The following C2orf49 variants were observed in gnomAD, a reference collection of about 807,000 sequenced individuals.
C2orf49 encodes the protein tRNA splicing ligase complex subunit 2, also known as tRNA-splicing ligase complex subunit ASW.
Under a neutral mutation model 20.6 loss-of-function variants are expected in C2orf49, and 11 were observed. That is an observed-to-expected ratio of 0.53 (90% CI 0.34 to 0.88). The LOEUF is 0.88. C2orf49 is among the 40% of genes least tolerant of loss of function. The pLI, the probability that C2orf49 is intolerant of heterozygous loss-of-function variation, is 0.02. For missense variants in C2orf49, 289 were observed against 274.2 expected (o/e 1.05, Z -0.38); for synonymous variants, 134 against 108.5 (o/e 1.24, Z -1.46).
chr2:105,369,010 G>T, the C2orf49 span, among the ~76,000 whole-genome samples: 1 of 152,200 alleles, frequency 6.6e-6, no homozygotes, highest in South Asian at 2.1e-4. Context: ...GCCGAGTAGT[G>T]TGCAGCTGTG....
At chr2:105,361,831 GT>G in the C2orf49 span, among the ~76,000 whole-genome samples, 1 of 152,172 alleles carries the variant, frequency 6.6e-6, no homozygotes, top group Non-Finnish European at 1.5e-5. Flanking sequence ...TGAAGGGAGT[GT>G]AGAAGAGGAA....
the C2orf49 span, among the ~76,000 whole-genome samples, chr2:105,377,538 G>A: frequency 2.6e-5 from 4 of 152,184 alleles, no homozygotes; most frequent in Non-Finnish European, 5.9e-5. Flanking sequence ...GGCTGAGGCA[G>A]GAGAATCTTG....
chr2:105,381,943 G>A, the C2orf49 span, among the ~76,000 whole-genome samples: 4 of 152,048 alleles, frequency 2.6e-5, no homozygotes, highest in Non-Finnish European at 5.9e-5. Context: ...AGAAGGGTGG[G>A]TTTTTCAAAC....
At chr2:105,373,597 G>A in the C2orf49 span, 7 of 1,614,096 alleles carry the variant, frequency 4.3e-6, no homozygotes, top group Non-Finnish European at 5.1e-6. Flanking sequence ...GCACTTGGAT[G>A]AGTACTCGTT....
chr2:105,354,236 T>A, the C2orf49 span, among the ~76,000 whole-genome samples: 1 of 152,250 alleles, frequency 6.6e-6, no homozygotes, highest in Non-Finnish European at 1.5e-5. Context: ...ACAGCAGATA[T>A]ATTTAATGAG....
At chr2:105,373,364 T>A in the C2orf49 span, among the ~76,000 whole-genome samples, 3 of 152,176 alleles carry the variant, frequency 2.0e-5, no homozygotes, top group Admixed American at 2.0e-4. Context: ...AGCAAAAAGA[T>A]CCCGTTACTG....
the C2orf49 span, among the ~76,000 whole-genome samples, chr2:105,357,216 C>T: frequency 1.3e-5 from 2 of 152,302 alleles, no homozygotes; most frequent in Admixed American, 6.5e-5. Flanking sequence ...TGGTTTCTCA[C>T]ATTTCTCTGA....
In C2orf49 at chr2:105,349,191, A is replaced by C. The variant is rs2104458275; in HGVS notation, c.*3820A>C. 1 of 152,334 alleles carries C rather than the reference A, an allele frequency of 6.6e-6. No individual in the cohort carries two copies. Among genetic ancestry groups the C allele is most frequent in the South Asian group, 2.1e-4 (1 of 4,834 alleles). The allele number at this position is 152,334 out of a possible 1,614,324, so 9.4% of individuals were successfully genotyped here. A position where few individuals can be genotyped will look rare whatever the true frequency, so the allele number is the denominator to read the frequency against. On this transcript the variant is annotated 3_prime_UTR_variant, in exon 4 of 4. Transcript: ENST00000258457. ...ATTATATTTGGAGACTGATGCTGTAAATTAAATAACTTGGAAAAGACTCAG... is the reference window on the plus strand; with the variant it reads ...ATTATATTTGGAGACTGATGCTGTACATTAAATAACTTGGAAAAGACTCAG...
In C2orf49 at chr2:105,339,682, A is replaced by G. The variant is rs760084452; in HGVS notation, c.199A>G (p.Lys67Glu). ...AIPLPQRDLPKNRWGKMMEKK... is the reference protein window; with the variant it reads ...AIPLPQRDLPENRWGKMMEKK... Reference sequence around the variant, plus strand: ...ACCATTGCCTCAGAGGGATTTGCCGAAGAATAGATGGGGGAAAATGATGGA... The same window carrying G: ...ACCATTGCCTCAGAGGGATTTGCCGGAGAATAGATGGGGGAAAATGATGGA... The change falls in exon 2 of 4, where the codon AAG becomes GAG. Residue 67 changes from lysine (K) to glutamate (E), a missense_variant. Coordinates refer to ENST00000258457, the MANE Select transcript of C2orf49 (RefSeq NM_024093.3). 8.1e-6 allele frequency: 13 copies of G among 1,609,076 alleles called. No individual in the cohort carries two copies. The highest frequency in any genetic ancestry group is 9.3e-6 in the Non-Finnish European group (11 of 1,179,122).
At chr2:105,371,023 C>T in the C2orf49 span, among the ~76,000 whole-genome samples, 1 of 152,160 alleles carries the variant, frequency 6.6e-6, no homozygotes, top group South Asian at 2.1e-4. Context: ...AGGCTGCCGG[C>T]CAGTTAATTC....
chr2:105,381,500 G>A, the C2orf49 span, among the ~76,000 whole-genome samples: 2 of 152,176 alleles, frequency 1.3e-5, no homozygotes, highest in African/African-American at 4.8e-5. Context: ...GTCCAGCCTC[G>A]GTGCATGCGA....
chr2:105,351,549 T>TTTTTG (rs1399640154), downstream of C2orf49, among the ~76,000 whole-genome samples: 1 of 152,184 alleles, frequency 6.6e-6, no homozygotes, highest in Non-Finnish European at 1.5e-5. Flanking sequence ...CTAATGTGTG[T>TTTTTG]TTTTGTTTTG....
the C2orf49 span, among the ~76,000 whole-genome samples, chr2:105,381,760 A>G: frequency 6.6e-6 from 1 of 152,148 alleles, no homozygotes; most frequent in African/African-American, 2.4e-5. Context: ...CAAATTCTAC[A>G]CGGAAGAAGA....
chr2:105,351,313 GCC>G (rs376749614), downstream of C2orf49, among the ~76,000 whole-genome samples: 1,836 of 36,054 alleles, frequency 0.051, 109 homozygotes, highest in African/African-American at 0.12. Context: ...TGCCCACCGC[GCC>G]CCCCCCCCCC....
chr2:105,352,429 G>GT (rs61585149), downstream of C2orf49, among the ~76,000 whole-genome samples: 15,751 of 80,782 alleles, frequency 0.19, 1,789 homozygotes, highest in African/African-American at 0.22. Context: ...GTTTGTTTGG[G>GT]TTTTTTTTTT....
chr2:105,352,429 G>GTTTTTTTTTTTTTTTTTTTTTTGT (rs61585149), downstream of C2orf49, among the ~76,000 whole-genome samples: 36 of 80,756 alleles, frequency 4.5e-4, no homozygotes, highest in Non-Finnish European at 6.2e-4. Flanking sequence ...GTTTGTTTGG[G>GTTTTTTTTTTTTTTTTTTTTTTGT]TTTTTTTTTT....
chr2:105,370,554 T>A, the C2orf49 span, among the ~76,000 whole-genome samples: 1 of 152,058 alleles, frequency 6.6e-6, no homozygotes. Context: ...TCCTGATTGG[T>A]CATCAGGAAA....
chr2:105,361,242 C>G, the C2orf49 span: 5 of 1,583,366 alleles, frequency 3.2e-6, no homozygotes, highest in Non-Finnish European at 4.3e-6. Flanking sequence ...ACATAAAAAT[C>G]TGTGTGTGAG....
downstream of C2orf49, among the ~76,000 whole-genome samples, chr2:105,350,218 G>A (rs1227428661): frequency 6.6e-5 from 10 of 152,094 alleles, no homozygotes; most frequent in African/African-American, 1.7e-4. Context: ...ACTAAGTGTC[G>A]GGGGTAGTTT....
Sources: gnomAD v4.1 joint callset for allele counts (sites outside exome capture counted in the v4.1 genomes callset) on GRCh38, gnomAD v4.1.1 for gene constraint, MANE v1.5 for transcripts, NCBI Gene and HGNC (gene_info 2026-07-23, HGNC 2026-07-21) for gene names.